The following PIWIL2 variants were observed in gnomAD, a reference collection of about 807,000 sequenced individuals.
The protein encoded by PIWIL2 is piwi-like protein 2.
In PIWIL2, 81 loss-of-function variants were observed where a neutral mutation model predicts 116.5. The ratio of observed to expected loss-of-function variants is 0.70; its 90% CI spans 0.58 to 0.84. The LOEUF (loss-of-function observed/expected upper bound fraction) is 0.84, where lower values mean the gene tolerates loss of function less well. Ranked by LOEUF, PIWIL2 falls within the 40% of genes least tolerant of loss-of-function variation. The pLI is 0.00. For missense variants in PIWIL2, 1,272 were observed against 1,212.3 expected, an observed-to-expected ratio of 1.05 and a Z score of -0.73; for synonymous variants, 489 against 429.5, an observed-to-expected ratio of 1.14 and a Z score of -1.71.
chr8:22,304,188 T>A lies in PIWIL2; in HGVS notation c.1349T>A (p.Ile450Asn), dbSNP rs777777851. Reference sequence around the variant, plus strand: ...TTCACGATGTCTGATGGGAAAGAGATCACATTCTTGGAATACTACAGGTAG... The same window carrying A: ...TTCACGATGTCTGATGGGAAAGAGAACACATTCTTGGAATACTACAGGTAG... ...DSFTMSDGKE[I>N]TFLEYYSKNY... Residue 450 changes from isoleucine to asparagine, a missense_variant, in exon 11 of 23, where the codon ATC (isoleucine) becomes AAC (asparagine). Transcript: ENST00000356766. 1.2e-6 allele frequency: 2 copies of A among 1,613,276 alleles called. No individual in the cohort carries two copies. The highest frequency in any genetic ancestry group is 1.7e-6 in the Non-Finnish European group (2 of 1,179,480).
intron 20 of PIWIL2, among the ~76,000 whole-genome samples, chr8:22,348,248 C>T (rs577792039): frequency 1.3e-5 from 2 of 151,662 alleles, no homozygotes; most frequent in South Asian, 4.2e-4. Flanking sequence ...TGCAGTGAGC[C>T]GAGATCACAC....
chr8:22,338,118 A>G (rs754130760), intron 20 of PIWIL2, among the ~76,000 whole-genome samples: 7 of 152,204 alleles, frequency 4.6e-5, no homozygotes, highest in Non-Finnish European at 1.0e-4. Flanking sequence ...TTGAAGATCT[A>G]AATAAAAGGA....
At chr8:22,331,150 T>TGGGTGACAGTG (rs1831852993) in intron 20 of PIWIL2, among the ~76,000 whole-genome samples, 1 of 152,056 alleles carries the variant, frequency 6.6e-6, no homozygotes, top group African/African-American at 2.4e-5. Context: ...CAGTCCAGCC[T>TGGGTGACAGTG]AAGCTACAGA....
chr8:22,299,915 C>A (rs1831004813), intron 10 of PIWIL2, among the ~76,000 whole-genome samples: 1 of 151,832 alleles, frequency 6.6e-6, no homozygotes, highest in Non-Finnish European at 1.5e-5. Context: ...TGTTCTTGTT[C>A]TTTTTTATTG....
intron 20 of PIWIL2, among the ~76,000 whole-genome samples, chr8:22,335,361 T>C (rs1199212833): frequency 1.3e-5 from 2 of 152,108 alleles, no homozygotes; most frequent in East Asian, 3.9e-4. Flanking sequence ...TGGTCATGTC[T>C]GTAGTCCTAT....
At chr8:22,326,549 C>T (rs757499623) in intron 20 of PIWIL2, among the ~76,000 whole-genome samples, 1 of 152,140 alleles carries the variant, frequency 6.6e-6, no homozygotes, top group Non-Finnish European at 1.5e-5. Flanking sequence ...TGCTTTTTGT[C>T]TCTACTGATT....
intron 20 of PIWIL2, among the ~76,000 whole-genome samples, chr8:22,339,289 C>G (rs563560662): frequency 1.3e-5 from 2 of 152,114 alleles, no homozygotes; most frequent in Admixed American, 6.6e-5. Flanking sequence ...GGGCAGATCA[C>G]GAGATCAGGA....
intron 7 of PIWIL2, among the ~76,000 whole-genome samples, chr8:22,288,148 A>AT (rs1432333455): frequency 2.0e-5 from 3 of 152,132 alleles, no homozygotes; most frequent in Non-Finnish European, 4.4e-5. Flanking sequence ...AATAAAAAAA[A>AT]TTAGCTGGGC....
chr8:22,303,616 T>C (rs1162443040), intron 10 of PIWIL2, among the ~76,000 whole-genome samples: 1 of 152,048 alleles, frequency 6.6e-6, no homozygotes, highest in Non-Finnish European at 1.5e-5. Flanking sequence ...CTGATGTCAA[T>C]ATCCTGGGCT....
rs1831115872 is a variant in PIWIL2, at chr8:22,304,052, T to C, written c.1213T>C (p.Phe405Leu). 1 of 1,613,462 alleles carries C rather than the reference T, an allele frequency of 6.2e-7. No homozygotes were observed. The highest frequency in any genetic ancestry group is 8.5e-7 in the Non-Finnish European group (1 of 1,179,608). ...CATTTATCAGCAGAATAAAGAACAC[T>C]TCCAGGATGAGTGTACTAAGCTTCT... ...HAIYQQNKEHFQDECTKLLVG... is the reference protein window; with the variant it reads ...HAIYQQNKEHLQDECTKLLVG... Residue 405 changes from phenylalanine to leucine, a missense_variant, in exon 11 of 23, where the codon TTC becomes CTC. Transcript: ENST00000356766.
intron 20 of PIWIL2, among the ~76,000 whole-genome samples, chr8:22,323,821 G>A (rs560008873): frequency 4.6e-5 from 7 of 152,284 alleles, no homozygotes; most frequent in African/African-American, 1.4e-4. Context: ...TGCCACTTAG[G>A]TTTGCAGGCT....
intron 20 of PIWIL2, among the ~76,000 whole-genome samples, chr8:22,335,020 A>G (rs1831947388): frequency 6.7e-6 from 1 of 150,254 alleles, no homozygotes; most frequent in African/African-American, 2.5e-5. Context: ...GTGCCACTGC[A>G]CTCTAGCCTG....
chr8:22,295,963 G>C (rs887125804), intron 10 of PIWIL2, among the ~76,000 whole-genome samples: 1 of 150,558 alleles, frequency 6.6e-6, no homozygotes, highest in Non-Finnish European at 1.5e-5. Flanking sequence ...GCTTCAGTTC[G>C]GCTGGTTGCT....
chr8:22,315,245 ACT>A (rs1342083846), intron 18 of PIWIL2, 100 bp downstream of exon 18: 7 of 711,690 alleles, frequency 9.8e-6, no homozygotes, highest in Non-Finnish European at 1.8e-5. Flanking sequence ...CTCAACACTT[ACT>A]CAGTAGTCTA....
chr8:22,304,476 G>A (rs1831128345), intron 11 of PIWIL2, among the ~76,000 whole-genome samples: 1 of 152,174 alleles, frequency 6.6e-6, no homozygotes, highest in Non-Finnish European at 1.5e-5. Context: ...GAAGTCTGGA[G>A]AGATTAAATT....
chr8:22,330,675 C>A (rs1247993700), intron 20 of PIWIL2, among the ~76,000 whole-genome samples: 1 of 148,942 alleles, frequency 6.7e-6, no homozygotes, highest in African/African-American at 2.5e-5. Flanking sequence ...CCAGCCTGGG[C>A]AACAGAGTGA....
intron 20 of PIWIL2, among the ~76,000 whole-genome samples, chr8:22,319,265 C>T (rs1831539824): frequency 6.6e-6 from 1 of 152,160 alleles, no homozygotes; most frequent in Non-Finnish European, 1.5e-5. Context: ...CTATAGCATC[C>T]TGCAAATACT....
intron 20 of PIWIL2, among the ~76,000 whole-genome samples, chr8:22,338,210 A>C (rs1390843045): frequency 6.6e-6 from 1 of 152,226 alleles, no homozygotes; most frequent in Admixed American, 6.5e-5. Flanking sequence ...AAAGAAAACT[A>C]TCTTTGCAGT....
chr8:22,314,130 GA>G (rs1489874656), intron 16 of PIWIL2, among the ~76,000 whole-genome samples, 197 bp from the exon 17 acceptor site: 1 of 152,124 alleles, frequency 6.6e-6, no homozygotes, highest in Non-Finnish European at 1.5e-5. Flanking sequence ...TATCTATACA[GA>G]ACAGCCCTGA....
Sources: gnomAD v4.1 joint callset for allele counts (sites outside exome capture counted in the v4.1 genomes callset) on GRCh38, gnomAD v4.1.1 for gene constraint, MANE v1.5 for transcripts, NCBI Gene and HGNC (gene_info 2026-07-23, HGNC 2026-07-21) for gene names.